CERS3: variants seen among roughly 807,000 people sequenced by gnomAD.
The protein encoded by CERS3 is LAG1 homolog, ceramide synthase 3.
CERS3 carries 33 observed loss-of-function variants against 50.3 expected under a neutral mutation model. The ratio of observed to expected loss-of-function variants is 0.66; its 90% CI spans 0.50 to 0.88. The LOEUF (loss-of-function observed/expected upper bound fraction) is 0.88, where lower values mean the gene tolerates loss of function less well. CERS3 is among the 40% of genes least tolerant of loss of function. The probability of loss-of-function intolerance (pLI) is 0.00; values close to 1 mark genes in which losing one functional copy is unlikely to be tolerated. For missense variants in CERS3, 470 were observed against 460.3 expected, an observed-to-expected ratio of 1.02 and a Z score of -0.19; for synonymous variants, 176 against 155.2, an observed-to-expected ratio of 1.13 and a Z score of -0.99.
rs868155066 is a variant in CERS3, at chr15:100,408,051, T to A, written c.1000-5186A>T. Among the ~76,000 whole-genome samples the A allele has an allele frequency of 6.6e-5, 10 of 152,170 alleles. No individual in the cohort carries two copies. In the East Asian group the frequency reaches 1.2e-3, roughly 18 times the overall value. Reference sequence around the variant, plus strand: ...TGTGCCTGGCTAATGTTTATATTTTTAGTAGAGATGGGGTTTCACTATGTT... The same window carrying A: ...TGTGCCTGGCTAATGTTTATATTTTAAGTAGAGATGGGGTTTCACTATGTT... On this transcript the variant is annotated intron_variant, in intron 11 of 11. Coordinates refer to ENST00000679737, the MANE Select transcript of CERS3 (RefSeq NM_001378789.1).
At chr15:100,501,558 C>T (rs1327550520) in intron 3 of CERS3, 119 bp downstream of exon 3, 2 of 795,400 alleles carry the variant, frequency 2.5e-6, no homozygotes, top group Admixed American at 2.7e-5. Context: ...ATCTGTGGCC[C>T]ATTAGTGGCA....
chr15:100,408,094 A>G (rs2031201784), intron 11 of CERS3, among the ~76,000 whole-genome samples: 1 of 151,434 alleles, frequency 6.6e-6, no homozygotes, highest in Non-Finnish European at 1.5e-5. Flanking sequence ...CTGGTCTTGA[A>G]CTCCTGACCT....
intron 11 of CERS3, among the ~76,000 whole-genome samples, chr15:100,405,404 C>G (rs1177878514): frequency 1.3e-5 from 2 of 152,102 alleles, no homozygotes; most frequent in Non-Finnish European, 2.9e-5. Context: ...TGTACAACTA[C>G]AAACCCATTA....
intron 9 of CERS3, among the ~76,000 whole-genome samples, chr15:100,472,585 C>T (rs2035004051): frequency 6.6e-6 from 1 of 152,140 alleles, no homozygotes; most frequent in South Asian, 2.1e-4. Context: ...ATTTGGGAAT[C>T]CTCAATGTCA....
At chr15:100,414,570 C>T (rs1567593774) in intron 11 of CERS3, among the ~76,000 whole-genome samples, 1 of 151,984 alleles carries the variant, frequency 6.6e-6, no homozygotes, top group Non-Finnish European at 1.5e-5. Context: ...GGTACTGGTA[C>T]CAAAACAGGC....
intron 11 of CERS3, among the ~76,000 whole-genome samples, chr15:100,434,359 G>C (rs879383887): frequency 6.6e-6 from 1 of 152,208 alleles, no homozygotes; most frequent in Non-Finnish European, 1.5e-5. Flanking sequence ...GCCCCTTTGA[G>C]CACCCAGAGT....
intron 2 of CERS3, chr15:100,503,699 C>A: frequency 2.1e-6 from 1 of 470,918 alleles, no homozygotes; most frequent in Non-Finnish European, 4.4e-6. Flanking sequence ...TTGCTTCACC[C>A]GGGCACATGC....
Position 100,466,737 on chromosome 15 carries a change from TTTCC to T in CERS3, c.845+2637_845+2640del, listed in dbSNP as rs1197426230. On this transcript the variant is annotated intron_variant, in intron 10 of 11. Coordinates refer to ENST00000679737, the MANE Select transcript of CERS3 (RefSeq NM_001378789.1). ...CTGATTTTCTTATCTTCTTTCCTTC[TTTCC>T]TTCCTTCCTTCCTTCCTTCCTTCCT... Among the ~76,000 whole-genome samples, 292 of 74,268 alleles carry T rather than the reference TTTCC, an allele frequency of 3.9e-3. 22 individuals carry two copies. Among genetic ancestry groups the T allele is most frequent in the African/African-American group, 6.5e-3 (123 of 18,942 alleles). The allele number at this position is 74,268 out of a possible 152,430, so 48.7% of individuals were successfully genotyped here.
intron 10 of CERS3, among the ~76,000 whole-genome samples, chr15:100,462,808 G>A (rs1184965569): frequency 1.3e-5 from 2 of 152,184 alleles, no homozygotes; most frequent in Admixed American, 6.5e-5. Flanking sequence ...AATGCAATAC[G>A]TGATCTGGAG....
intron 3 of CERS3, among the ~76,000 whole-genome samples, chr15:100,495,961 C>A (rs982880141): frequency 4.6e-5 from 7 of 152,152 alleles, no homozygotes; most frequent in Admixed American, 1.3e-4. Context: ...GGCAACCACT[C>A]ATCTATTTTC....
intron 4 of CERS3, among the ~76,000 whole-genome samples, chr15:100,485,237 G>C (rs930773804): frequency 6.6e-6 from 1 of 152,162 alleles, no homozygotes; most frequent in East Asian, 1.9e-4. Context: ...ATTATATAGA[G>C]AGCCTATTTC....
rs375240858 is a variant in CERS3, at chr15:100,467,885, A to G, written c.845+1493T>C. ...TAGATAGATAGATAGATAGATATAG[A>G]TATAGATATAGATATATTTAAAGAC... On this transcript the variant is annotated intron_variant, in intron 10 of 11. Transcript: ENST00000679737. Among the ~76,000 whole-genome samples, 7 of 43,498 alleles carry G rather than the reference A, an allele frequency of 1.6e-4. 2 individuals carry two copies. Among genetic ancestry groups the G allele is most frequent in the Non-Finnish European group, 5.0e-4 (7 of 14,096 alleles). The allele number at this position is 43,498 out of a possible 152,430, so 28.5% of individuals were successfully genotyped here.
intron 3 of CERS3, among the ~76,000 whole-genome samples, chr15:100,491,139 C>T (rs1044232105): frequency 2.0e-5 from 3 of 151,732 alleles, no homozygotes; most frequent in African/African-American, 7.3e-5. Context: ...AAAACACTTG[C>T]ACAATTCTAA....
At chr15:100,507,569 T>C (rs1435862284) in intron 2 of CERS3, among the ~76,000 whole-genome samples, 1 of 152,226 alleles carries the variant, frequency 6.6e-6, no homozygotes, top group Non-Finnish European at 1.5e-5. Context: ...CAGAGTCACA[T>C]TTACCTGATC....
chr15:100,534,276 G>C (rs750680713), intron 1 of CERS3, among the ~76,000 whole-genome samples: 55 of 152,084 alleles, frequency 3.6e-4, no homozygotes, highest in Non-Finnish European at 7.4e-5. Context: ...ATTCTTTTTA[G>C]CTGTGTGACT....
chr15:100,466,624 G>A (rs147352226), intron 10 of CERS3, among the ~76,000 whole-genome samples: 53 of 149,742 alleles, frequency 3.5e-4, no homozygotes, highest in African/African-American at 1.2e-3. Context: ...CGATGAGGAG[G>A]CCAAGGCCAA....
intron 11 of CERS3, among the ~76,000 whole-genome samples, chr15:100,409,903 G>A (rs2031345130): frequency 6.6e-6 from 1 of 152,204 alleles, no homozygotes; most frequent in Admixed American, 6.5e-5. Flanking sequence ...AGCAGCCACA[G>A]GACTGTAATG....
chr15:100,523,245 T>C (rs2036689612), intron 1 of CERS3, among the ~76,000 whole-genome samples: 1 of 152,250 alleles, frequency 6.6e-6, no homozygotes, highest in African/African-American at 2.4e-5. Flanking sequence ...TAACAAGTCA[T>C]GTTATATGCA....
rs7181768 is a variant in CERS3 at position 100,464,619 on chromosome 15, T to A, written c.845+4759A>T. Among the ~76,000 whole-genome samples the A allele has an allele frequency of 4.2e-3, 642 of 152,304 alleles. 6 individuals are homozygous for A. Among genetic ancestry groups the A allele is most frequent in the African/African-American group, 0.015 (616 of 41,568 alleles). Reference sequence around the variant, plus strand: ...AGTGGTTTGCCTGGCCTTAGAAAGGTCTTTCTAGCCTAATAACTCTCTGTG... The same window carrying A: ...AGTGGTTTGCCTGGCCTTAGAAAGGACTTTCTAGCCTAATAACTCTCTGTG... On this transcript the variant is annotated intron_variant, in intron 10 of 11. Transcript: ENST00000679737.
Sources: gnomAD v4.1 joint callset for allele counts (sites outside exome capture counted in the v4.1 genomes callset) on GRCh38, gnomAD v4.1.1 for gene constraint, MANE v1.5 for transcripts, NCBI Gene and HGNC (gene_info 2026-07-23, HGNC 2026-07-21) for gene names.